The following HCN1 variants were observed in gnomAD, a reference collection of about 807,000 sequenced individuals.
The protein encoded by HCN1 is hyperpolarization activated cyclic nucleotide gated potassium channel 1.
Under a neutral mutation model 78.9 loss-of-function variants are expected in HCN1, and 13 were observed. The ratio of observed to expected loss-of-function variants is 0.16; its 90% CI spans 0.11 to 0.26. The LOEUF (loss-of-function observed/expected upper bound fraction) is 0.26. Ranked by LOEUF, HCN1 falls within the 10% of genes least tolerant of loss-of-function variation. HCN1 has a pLI of 1.00. For missense variants in HCN1, 810 were observed against 1,154.3 expected, an observed-to-expected ratio of 0.70 and a Z score of 4.32; for synonymous variants, 552 against 455.5, an observed-to-expected ratio of 1.21 and a Z score of -2.70.
chr5:45,355,524 A>G (rs1217785736), intron 4 of HCN1, among the ~76,000 whole-genome samples: 1 of 151,964 alleles, frequency 6.6e-6, no homozygotes, highest in Non-Finnish European at 1.5e-5. Flanking sequence ...GACATAAGGA[A>G]GCATGCTTGA....
intron 2 of HCN1, among the ~76,000 whole-genome samples, chr5:45,584,452 CA>C (rs1401794809): frequency 2.0e-5 from 3 of 152,084 alleles, no homozygotes; most frequent in African/African-American, 7.2e-5. Flanking sequence ...TTCCTGAATA[CA>C]GCACACTGAT....
At chr5:45,503,161 T>C (rs1742225634) in intron 2 of HCN1, among the ~76,000 whole-genome samples, 1 of 152,136 alleles carries the variant, frequency 6.6e-6, no homozygotes, top group Non-Finnish European at 1.5e-5. Context: ...TTTAATAAAA[T>C]AATAAATGTT....
At chr5:45,339,214 G>A (rs1197174974) in intron 5 of HCN1, among the ~76,000 whole-genome samples, 5 of 152,062 alleles carry the variant, frequency 3.3e-5, no homozygotes, top group Non-Finnish European at 7.4e-5. Flanking sequence ...GAAATACAAG[G>A]ATATTAAGCA....
chr5:45,523,866 T>A (rs1258170910), intron 2 of HCN1, among the ~76,000 whole-genome samples: 1 of 152,152 alleles, frequency 6.6e-6, no homozygotes, highest in Non-Finnish European at 1.5e-5. Context: ...TTAGTTTAAT[T>A]AGATCCCATT....
chr5:45,581,483 T>C (rs1335934507), intron 2 of HCN1, among the ~76,000 whole-genome samples: 2 of 152,232 alleles, frequency 1.3e-5, no homozygotes, highest in Non-Finnish European at 2.9e-5. Flanking sequence ...CTGTTCACTC[T>C]GATGGCAGTT....
intron 3 of HCN1, among the ~76,000 whole-genome samples, chr5:45,443,828 T>C (rs1740730871): frequency 6.6e-6 from 1 of 152,124 alleles, no homozygotes; most frequent in Admixed American, 6.5e-5. Flanking sequence ...AGATTTTTCT[T>C]ATTACTGGTA....
At chr5:45,452,646 C>G (rs1388532281) in intron 3 of HCN1, among the ~76,000 whole-genome samples, 2 of 151,684 alleles carry the variant, frequency 1.3e-5, no homozygotes, top group African/African-American at 2.4e-5. Context: ...TCTAGACCCT[C>G]AAAGTTTAAA....
At chr5:45,626,517 A>C (rs1217555553) in intron 2 of HCN1, among the ~76,000 whole-genome samples, 1 of 152,140 alleles carries the variant, frequency 6.6e-6, no homozygotes, top group Non-Finnish European at 1.5e-5. Context: ...AAATGCCAAC[A>C]AACAAAGACT....
At chr5:45,614,730 A>C (rs1329090564) in intron 2 of HCN1, among the ~76,000 whole-genome samples, 3 of 152,132 alleles carry the variant, frequency 2.0e-5, no homozygotes, top group African/African-American at 7.2e-5. Flanking sequence ...ACAGAAAAGA[A>C]GCTAAAGCAG....
chr5:45,564,817 G>C (rs1224510308), intron 2 of HCN1, among the ~76,000 whole-genome samples: 1 of 152,126 alleles, frequency 6.6e-6, no homozygotes, highest in Non-Finnish European at 1.5e-5. Context: ...AATTACGTCT[G>C]TTATTAATCT....
intron 3 of HCN1, among the ~76,000 whole-genome samples, chr5:45,424,003 C>T (rs1579884505): frequency 6.6e-6 from 1 of 151,034 alleles, no homozygotes; most frequent in Non-Finnish European, 1.5e-5. Flanking sequence ...CAGTTGGGCA[C>T]GGTGGCTCAT....
chr5:45,685,862 G>T (rs961295161), intron 1 of HCN1, among the ~76,000 whole-genome samples: 26 of 152,142 alleles, frequency 1.7e-4, no homozygotes, highest in African/African-American at 6.3e-4. Flanking sequence ...CATTTACATG[G>T]CCATTCCTTC....
intron 3 of HCN1, among the ~76,000 whole-genome samples, chr5:45,434,463 T>C (rs896592102): frequency 2.0e-5 from 3 of 152,190 alleles, no homozygotes; most frequent in African/African-American, 4.8e-5. Context: ...AGATGGATGG[T>C]GGAACTAAAG....
chr5:45,671,098 T>A (rs1377693824), intron 1 of HCN1, among the ~76,000 whole-genome samples: 1 of 151,666 alleles, frequency 6.6e-6, no homozygotes, highest in Non-Finnish European at 1.5e-5. Context: ...ATTCCTCAGT[T>A]ATTTTAGAGA....
At chr5:45,560,705 C>T (rs1213298556) in intron 2 of HCN1, among the ~76,000 whole-genome samples, 1 of 151,850 alleles carries the variant, frequency 6.6e-6, no homozygotes, top group East Asian at 1.9e-4. Flanking sequence ...CTAAGTATAA[C>T]AAAAATTATT....
At chr5:45,411,575 T>A (rs77618418) in intron 3 of HCN1, among the ~76,000 whole-genome samples, 1 of 85,804 alleles carries the variant, frequency 1.2e-5, no homozygotes, top group Non-Finnish European at 2.5e-5. Flanking sequence ...ATTCTAGCTA[T>A]TTTTTATGGC....
At chr5:45,694,263 C>T (rs1472206524) in intron 1 of HCN1, among the ~76,000 whole-genome samples, 1 of 152,098 alleles carries the variant, frequency 6.6e-6, no homozygotes, top group Non-Finnish European at 1.5e-5. Flanking sequence ...TATAAGTTCT[C>T]CTTTGGACTT....
In HCN1 at chr5:45,678,523, T is replaced by C. The variant is rs1739637915; in HGVS notation, c.425+17146A>G. Among the ~76,000 whole-genome samples the C allele has an allele frequency of 2.0e-5, 3 of 151,956 alleles. No homozygotes were observed. The Admixed American group carries it at 2.0e-4, about 10-fold the overall frequency. ...ATAATAACTGCGTCTCTCCTCAATA[T>C]TTGTGGCTAAAGTTTTAGAGCCTCC... is the stretch of plus-strand genomic sequence containing the variant. On this transcript the variant is annotated intron_variant, in intron 1 of 7. Transcript: ENST00000303230.
chr5:45,585,445 G>T (rs1744193131), intron 2 of HCN1, among the ~76,000 whole-genome samples: 1 of 151,958 alleles, frequency 6.6e-6, no homozygotes, highest in African/African-American at 2.4e-5. Flanking sequence ...TTTTTTCAAG[G>T]TTTTTAACTT....
Sources: allele counts gnomAD v4.1 joint callset (sites outside exome capture counted in the v4.1 genomes callset), GRCh38; gene constraint gnomAD v4.1.1; transcripts MANE v1.5; gene names NCBI Gene and HGNC (gene_info 2026-07-23, HGNC 2026-07-21).